Variants in TRANK1 observed in about 807,000 individuals in gnomAD.
TRANK1 encodes the protein TPR and ankyrin repeat-containing protein 1.
In TRANK1, 198 loss-of-function variants were observed where a neutral mutation model predicts 266.0. The ratio of observed to expected loss-of-function variants is 0.74; its 90% CI spans 0.66 to 0.84. TRANK1 has a LOEUF of 0.84. Ranked by LOEUF, TRANK1 falls within the 40% of genes least tolerant of loss-of-function variation. The probability of loss-of-function intolerance (pLI) is 0.00; values close to 1 mark genes in which losing one functional copy is unlikely to be tolerated. For missense variants in TRANK1, 3,326 were observed against 3,634.6 expected (o/e 0.92, Z 2.18); for synonymous variants, 1,396 against 1,384.1 (o/e 1.01, Z -0.19).
At chr3:36,915,154 T>C (rs537637465) in intron 1 of TRANK1, among the ~76,000 whole-genome samples, 1 of 152,264 alleles carries the variant, frequency 6.6e-6, no homozygotes, top group African/African-American at 2.4e-5. Context: ...GGTTTCACTG[T>C]GTTAGCCAGG....
intron 23 of TRANK1, 105 bp downstream of exon 23, chr3:36,829,459 T>C (rs2078666737): frequency 2.0e-6 from 2 of 1,024,852 alleles, no homozygotes; most frequent in Non-Finnish European, 1.5e-6. Flanking sequence ...GAGTCCACTA[T>C]TGACATCACT....
At chr3:36,920,375 C>T (rs1350468479) in intron 1 of TRANK1, among the ~76,000 whole-genome samples, 1 of 152,146 alleles carries the variant, frequency 6.6e-6, no homozygotes, top group Admixed American at 6.6e-5. Context: ...TGCCTCTCTT[C>T]CCCAAGCTCC....
At position 36,831,242 on chromosome 3, in the gene TRANK1, C is replaced by T. The variant is rs2125503167; in HGVS notation, c.8341G>A (p.Glu2781Lys). 4 of 1,613,634 alleles carry T rather than the reference C, an allele frequency of 2.5e-6. No individual in the cohort carries two copies. The highest frequency in any genetic ancestry group is 3.4e-6 in the Non-Finnish European group (4 of 1,179,890). Residue 2781 changes from glutamate to lysine, a missense_variant, in exon 22 of 24, where the codon GAG (glutamate) becomes AAG (lysine). Glu to Lys is a moderately conservative substitution (Grantham distance 56, BLOSUM62 1). Transcript: ENST00000645898. The surrounding 1 kb of genome is among the most constrained non-coding windows in gnomAD (Gnocchi z 5.0). ...LCGVKFTRGP[E>K]NYFSPSKAFE... Reference sequence around the variant, plus strand: ...GCTTTGCTGGGGCTGAAATAGTTCTCTGGGCCACGGGTAAACTTCACTCCA... The same window carrying T: ...GCTTTGCTGGGGCTGAAATAGTTCTTTGGGCCACGGGTAAACTTCACTCCA...
At chr3:36,919,063 A>T (rs565259614) in intron 1 of TRANK1, among the ~76,000 whole-genome samples, 1 of 152,384 alleles carries the variant, frequency 6.6e-6, no homozygotes. Flanking sequence ...AACAACATAC[A>T]GCAACAATTA....
intron 17 of TRANK1, among the ~76,000 whole-genome samples, chr3:36,844,413 G>A (rs2078888327): frequency 6.6e-6 from 1 of 152,132 alleles, no homozygotes; most frequent in Non-Finnish European, 1.5e-5. Flanking sequence ...TTTTAGTAGA[G>A]ATGGGGTTTC....
In TRANK1 at chr3:36,864,342, A is replaced by G; in HGVS notation, c.1217T>C (p.Leu406Ser). The G allele has an allele frequency of 1.3e-6, 2 of 1,534,182 alleles. No homozygotes were observed. The highest frequency in any genetic ancestry group is 1.7e-6 in the Non-Finnish European group (2 of 1,145,758). Residue 406 changes from leucine (L) to serine (S), a missense_variant, in exon 10 of 24, where the codon TTG (leucine) becomes TCG (serine). Leu to Ser is a moderately radical substitution (Grantham distance 145). Coordinates refer to ENST00000645898, the MANE Select transcript of TRANK1 (RefSeq NM_001329998.2). ...FLKQEVVQRF[L>S]RLLSTLQEIP... Reference sequence around the variant, plus strand: ...ACCTTGCAGAGTAGAAAGGAGACGCAAGAACCTCTGAACTACTTCCTGCTT... The same window carrying G: ...ACCTTGCAGAGTAGAAAGGAGACGCGAGAACCTCTGAACTACTTCCTGCTT...
intron 1 of TRANK1, among the ~76,000 whole-genome samples, chr3:36,941,904 T>G (rs111805845): frequency 3.3e-5 from 5 of 152,210 alleles, no homozygotes; most frequent in African/African-American, 1.2e-4. Flanking sequence ...AGCACTGACA[T>G]GTCAGCCCCA....
Position 36,856,344 on chromosome 3 carries a change from C to G in TRANK1, c.3378G>C (p.Glu1126Asp). The stretch of plus-strand genomic sequence containing the variant: ...CCTCCTCTTCCTCCCCACCTGGACT[C>G]TCTTTTCCGGGTTCCACTTCCAACC... ...KRRLEVEPGK[E>D]SPGGEEEEEE... Residue 1126 changes from glutamate to aspartate, a missense_variant, in exon 13 of 24, where the codon GAG becomes GAC. Physicochemically the swap from Glu to Asp is conservative, Grantham distance 45 (BLOSUM62 2). Coordinates refer to ENST00000645898, the MANE Select transcript of TRANK1 (RefSeq NM_001329998.2). 6.3e-7 allele frequency: 1 copy of G among 1,574,922 alleles called. No individual in the cohort carries two copies. The highest frequency in any genetic ancestry group is 1.1e-5 in the South Asian group (1 of 87,216).
intron 5 of TRANK1, among the ~76,000 whole-genome samples, chr3:36,895,395 T>C (rs897316796): frequency 2.6e-5 from 4 of 152,244 alleles, no homozygotes; most frequent in Non-Finnish European, 4.4e-5. Flanking sequence ...TTAGCATCTG[T>C]ACTTTACATT....
chr3:36,856,823 A>C lies in TRANK1; in HGVS notation c.2899T>G (p.Ser967Ala). ...TTCAGCTTCTTCCGCAGGACACAGG[A>C]CAAGCCCCGGTTGTAGGCATTGCAG... ...AICNAYNRGL[S>A]CVLRKKLKGI... The change falls in exon 13 of 24, where the codon TCC (serine) becomes GCC (alanine). Residue 967 changes from serine to alanine, a missense_variant. By Grantham distance (99) the Ser-to-Ala change is moderately conservative (BLOSUM62 1). Coordinates refer to ENST00000645898, the MANE Select transcript of TRANK1 (RefSeq NM_001329998.2). The C allele has an allele frequency of 6.2e-7, 1 of 1,613,982 alleles. No homozygotes were observed. Among genetic ancestry groups the C allele is most frequent in the South Asian group, 1.1e-5 (1 of 91,080 alleles).
rs1221606498 is a variant in TRANK1, at chr3:36,856,172, G to A, written c.3550C>T (p.Pro1184Ser). 5.6e-6 allele frequency: 9 copies of A among 1,613,904 alleles called. No homozygotes were observed. Among genetic ancestry groups the A allele is most frequent in the Non-Finnish European group, 7.6e-6 (9 of 1,179,880 alleles). ...TGATGTAAATGCTCCAGCTGGTGGG[G>A]ATGTTCTGGTGCACATACTTCTGCA... is the stretch of plus-strand genomic sequence containing the variant. Reference protein sequence around the residue: ...QAAEVCAPEHPHQLEHLHQIF... With the variant: ...QAAEVCAPEHSHQLEHLHQIF... The change falls in exon 13 of 24, where the codon CCC becomes TCC. Residue 1184 changes from proline (P) to serine (S), a missense_variant. By Grantham distance (74) the Pro-to-Ser change is moderately conservative (BLOSUM62 -1). Coordinates refer to ENST00000645898, the MANE Select transcript of TRANK1 (RefSeq NM_001329998.2).
At chr3:36,865,191 C>T (rs113820979) in intron 9 of TRANK1, among the ~76,000 whole-genome samples, 2 of 152,096 alleles carry the variant, frequency 1.3e-5, no homozygotes, top group Admixed American at 6.5e-5. Flanking sequence ...CCGCGCCTGG[C>T]TAATTTTTGT....
At chr3:36,892,852 C>CAAAACAAAACAT (rs771679113) in intron 6 of TRANK1, 49 bp downstream of exon 6, 1 of 550,644 alleles carries the variant, frequency 1.8e-6, no homozygotes, top group Admixed American at 5.5e-5. Flanking sequence ...CAAAACAAAA[C>CAAAACAAAACAT]ATATATATAT....
In TRANK1 at chr3:36,826,964, C is replaced by T. The variant is rs1427866822; in HGVS notation, c.*1311G>A. Reference sequence around the variant, plus strand: ...TAAGAAAAATTGGAAACAAGCATTTCAAGGAAACAATTTGGAAAGATAAGG... The same window carrying T: ...TAAGAAAAATTGGAAACAAGCATTTTAAGGAAACAATTTGGAAAGATAAGG... On this transcript the variant is annotated 3_prime_UTR_variant, in exon 24 of 24. Coordinates refer to ENST00000645898, the MANE Select transcript of TRANK1 (RefSeq NM_001329998.2). The T allele has an allele frequency of 6.6e-6, 1 of 151,846 alleles. No homozygotes were observed. The highest frequency in any genetic ancestry group is 1.5e-5 in the Non-Finnish European group (1 of 67,970). The allele number at this position is 151,846 out of a possible 1,614,324, so 9.4% of individuals were successfully genotyped here.
chr3:36,878,551 G>T (rs1484586087), intron 8 of TRANK1, among the ~76,000 whole-genome samples: 1 of 152,076 alleles, frequency 6.6e-6, no homozygotes, highest in African/African-American at 2.4e-5. Context: ...GTAAGTGAGG[G>T]CTACACAGCT....
chr3:36,868,187 C>T (rs1244520005), intron 9 of TRANK1, among the ~76,000 whole-genome samples: 1 of 152,156 alleles, frequency 6.6e-6, no homozygotes, highest in African/African-American at 2.4e-5. Context: ...ATATATAGCT[C>T]ACATTTATTT....
Position 36,851,760 on chromosome 3 carries a change from A to T in TRANK1, c.4846T>A (p.Phe1616Ile), listed in dbSNP as rs370443035. The change falls in exon 15 of 24, where the codon TTT becomes ATT. Residue 1616 changes from phenylalanine to isoleucine, a missense_variant. By Grantham distance (21) the Phe-to-Ile change is conservative (BLOSUM62 0). Coordinates refer to ENST00000645898, the MANE Select transcript of TRANK1 (RefSeq NM_001329998.2). ...LTIYEAKGLE[F>I]DDVLLYNFFT... ...AAGTTGTAAAGGAGGACATCATCAA[A>T]TTCTAAGCCTTTTGCTTCATAAATT... 1 of 1,613,326 alleles carries T rather than the reference A, an allele frequency of 6.2e-7. No homozygotes were observed. The highest frequency in any genetic ancestry group is 8.5e-7 in the Non-Finnish European group (1 of 1,179,708).
chr3:36,921,815 T>C (rs369053581), intron 1 of TRANK1, among the ~76,000 whole-genome samples: 5 of 152,256 alleles, frequency 3.3e-5, no homozygotes, highest in East Asian at 1.9e-4. Flanking sequence ...CATATCCTTA[T>C]TGTTTAAGTT....
intron 20 of TRANK1, among the ~76,000 whole-genome samples, chr3:36,837,581 C>A (rs1193474850): frequency 1.3e-5 from 2 of 152,142 alleles, no homozygotes; most frequent in African/African-American, 4.8e-5. Flanking sequence ...TGGTAAGGGA[C>A]CAAATCATTT....
Sources: allele counts gnomAD v4.1 joint callset (sites outside exome capture counted in the v4.1 genomes callset), GRCh38; gene constraint gnomAD v4.1.1; non-coding constraint Gnocchi (gnomAD v3.1); transcripts MANE v1.5; gene names NCBI Gene and HGNC (gene_info 2026-07-23, HGNC 2026-07-21).